SMIM10L1: variants seen among roughly 807,000 people sequenced by gnomAD.
SMIM10L1 encodes small integral membrane protein 10 like 1, also known as small integral membrane protein 10-like protein 1.
SMIM10L1 carries 6 observed loss-of-function variants against 4.5 expected under a neutral mutation model. That is an observed-to-expected ratio of 1.33 (90% CI 0.73 to 2.62). SMIM10L1 has a LOEUF of 2.62. SMIM10L1 is among the 30% of genes most tolerant of loss of function. The probability of loss-of-function intolerance (pLI) is 0.00; values close to 1 mark genes in which losing one functional copy is unlikely to be tolerated. For synonymous variants in SMIM10L1, 49 were observed against 42.2 expected, an observed-to-expected ratio of 1.16 and a Z score of -0.63; for missense variants, 66 against 86.2, an observed-to-expected ratio of 0.77 and a Z score of 0.93.
In SMIM10L1 at chr12:11,172,087, C is replaced by T. The variant is rs1947867924; in HGVS notation, c.*524C>T. 1 of 152,138 alleles carries T rather than the reference C, an allele frequency of 6.6e-6. No homozygotes were observed. Among genetic ancestry groups the T allele is most frequent in the African/African-American group, 2.4e-5 (1 of 41,406 alleles). 9.4% of individuals were successfully genotyped at this position (152,138 alleles called of 1,614,324 possible). A position where few individuals can be genotyped will look rare whatever the true frequency, so the allele number is the denominator to read the frequency against. On this transcript the variant is annotated 3_prime_UTR_variant, in exon 1 of 1. Transcript: ENST00000622602. ...CGCAAAACTGTACAGGAAAATCATCCTCCAAGTACCAGACATAAAATGCTG... is the reference window on the plus strand; with the variant it reads ...CGCAAAACTGTACAGGAAAATCATCTTCCAAGTACCAGACATAAAATGCTG...
rs980659816 is a variant in SMIM10L1 at position 11,171,681 on chromosome 12, C to T, written c.*118C>T. 5 of 694,684 alleles carry T rather than the reference C, an allele frequency of 7.2e-6. No homozygotes were observed. The highest frequency in any genetic ancestry group is 5.5e-5 in the African/African-American group (3 of 54,424). The allele number at this position is 694,684 out of a possible 1,614,324, so 43.0% of individuals were successfully genotyped here. ...ACAGTCTCGCGAGAGTGCTCAGGCG[C>T]TCTTCGTGGCTGCCCTCTTAGCTGC... On this transcript the variant is annotated 3_prime_UTR_variant, in exon 1 of 1. Transcript: ENST00000622602.
At position 11,173,515 on chromosome 12, in the gene SMIM10L1, G is replaced by A. The variant is rs1251864057; in HGVS notation, c.*1952G>A. The A allele has an allele frequency of 6.6e-6, 1 of 152,132 alleles. No homozygotes were observed. The highest frequency in any genetic ancestry group is 1.9e-4 in the East Asian group (1 of 5,198). The allele number at this position is 152,132 out of a possible 1,614,324, so 9.4% of individuals were successfully genotyped here. A position where few individuals can be genotyped will look rare whatever the true frequency, so the allele number is the denominator to read the frequency against. On this transcript the variant is annotated 3_prime_UTR_variant, in exon 1 of 1. Coordinates refer to ENST00000622602, the MANE Select transcript of SMIM10L1 (RefSeq NM_001271592.2). ...AGACAGGTTTCCTAGACTGCGATAAGCCAAAACATTTTAGTCTAAAATATC... is the reference window on the plus strand; with the variant it reads ...AGACAGGTTTCCTAGACTGCGATAAACCAAAACATTTTAGTCTAAAATATC...
Position 11,171,746 on chromosome 12 carries a change from CCT to C in SMIM10L1, c.*184_*185del. On this transcript the variant is annotated 3_prime_UTR_variant, in exon 1 of 1. Coordinates refer to ENST00000622602, the MANE Select transcript of SMIM10L1 (RefSeq NM_001271592.2). ...AGGGGGCGGCCGGGAGCCTACAATC[CCT>C]AGAAAGAGAATACGCTGTTCCGGAA... is the stretch of plus-strand genomic sequence containing the variant. 2.5e-6 allele frequency: 1 copy of C among 401,656 alleles called. No homozygotes were observed. Among genetic ancestry groups the C allele is most frequent in the East Asian group, 3.6e-5 (1 of 27,832 alleles). 24.9% of individuals were successfully genotyped at this position (401,656 alleles called of 1,614,324 possible).
Position 11,171,703 on chromosome 12 carries a change from C to T in SMIM10L1, c.*140C>T, listed in dbSNP as rs1565731361. The T allele has an allele frequency of 2.0e-5, 11 of 552,978 alleles. No individual in the cohort carries two copies. The Admixed American group carries it at 2.6e-4, about 13-fold the overall frequency. 34.3% of individuals were successfully genotyped at this position (552,978 alleles called of 1,614,324 possible). A position where few individuals can be genotyped will look rare whatever the true frequency, so the allele number is the denominator to read the frequency against. The stretch of plus-strand genomic sequence containing the variant: ...GCGCTCTTCGTGGCTGCCCTCTTAG[C>T]TGCTAGCGGAGCTCCTCAGGGGGCG... On this transcript the variant is annotated 3_prime_UTR_variant, in exon 1 of 1. Transcript: ENST00000622602.
At position 11,175,833 on chromosome 12, in the gene SMIM10L1, A is replaced by T. The variant is rs1947938465; in HGVS notation, c.*4270A>T. On this transcript the variant is annotated 3_prime_UTR_variant, in exon 1 of 1. Transcript: ENST00000622602. ...AGATGAAACCCTCGTGAATGGGATT[A>T]GTGCCTTTATAAAGGAGACCCCAAA... 1 of 152,202 alleles carries T rather than the reference A, an allele frequency of 6.6e-6. No individual in the cohort carries two copies. Among genetic ancestry groups the T allele is most frequent in the Non-Finnish European group, 1.5e-5 (1 of 68,050 alleles). 9.4% of individuals were successfully genotyped at this position (152,202 alleles called of 1,614,324 possible). A position where few individuals can be genotyped will look rare whatever the true frequency, so the allele number is the denominator to read the frequency against.
chr12:11,174,026 A>G lies in SMIM10L1; in HGVS notation c.*2463A>G, dbSNP rs1194342632. On this transcript the variant is annotated 3_prime_UTR_variant, in exon 1 of 1. Transcript: ENST00000622602. ...ATATATGCATAAAGTTACAGCTTAC[A>G]TTTACCTCGTAATATATGTATATAT... is the stretch of plus-strand genomic sequence containing the variant. 1 of 148,932 alleles carries G rather than the reference A, an allele frequency of 6.7e-6. No homozygotes were observed. Among genetic ancestry groups the G allele is most frequent in the Non-Finnish European group, 1.5e-5 (1 of 67,072 alleles). The allele number at this position is 148,932 out of a possible 1,614,324, so 9.2% of individuals were successfully genotyped here.
Position 11,171,228 on chromosome 12 carries a change from G to T in SMIM10L1, c.-129G>T, listed in dbSNP as rs921238617. Reference sequence around the variant, plus strand: ...CCGCACTGCACCGAGCGGCGGCAGCGGCAAGCTTGGGTGTGAGCCCGGGAG... The same window carrying T: ...CCGCACTGCACCGAGCGGCGGCAGCTGCAAGCTTGGGTGTGAGCCCGGGAG... On this transcript the variant is annotated 5_prime_UTR_variant, in exon 1 of 1. Transcript: ENST00000622602. The T allele has an allele frequency of 3.8e-5, 20 of 531,412 alleles. No individual in the cohort carries two copies. The highest frequency in any genetic ancestry group is 3.9e-5 in the African/African-American group (2 of 51,542). 32.9% of individuals were successfully genotyped at this position (531,412 alleles called of 1,614,324 possible). A position where few individuals can be genotyped will look rare whatever the true frequency, so the allele number is the denominator to read the frequency against.
In SMIM10L1 at chr12:11,175,246, C is replaced by T. The variant is rs1286743022; in HGVS notation, c.*3683C>T. On this transcript the variant is annotated 3_prime_UTR_variant, in exon 1 of 1. Transcript: ENST00000622602. The stretch of plus-strand genomic sequence containing the variant: ...GGGAGAGAGAGGAAAGAACGTTGTC[C>T]TCAGAATGGAAGGGAAACACTTTCC... The T allele has an allele frequency of 6.6e-6, 1 of 151,976 alleles. No individual in the cohort carries two copies. The highest frequency in any genetic ancestry group is 2.4e-5 in the African/African-American group (1 of 41,350). 9.4% of individuals were successfully genotyped at this position (151,976 alleles called of 1,614,324 possible). A position where few individuals can be genotyped will look rare whatever the true frequency, so the allele number is the denominator to read the frequency against.
chr12:11,175,168 C>G lies in SMIM10L1; in HGVS notation c.*3605C>G, dbSNP rs1197359618. 6.6e-6 allele frequency: 1 copy of G among 151,810 alleles called. No individual in the cohort carries two copies. Among genetic ancestry groups the G allele is most frequent in the Non-Finnish European group, 1.5e-5 (1 of 67,972 alleles). The allele number at this position is 151,810 out of a possible 1,614,324, so 9.4% of individuals were successfully genotyped here. A position where few individuals can be genotyped will look rare whatever the true frequency, so the allele number is the denominator to read the frequency against. On this transcript the variant is annotated 3_prime_UTR_variant, in exon 1 of 1. Coordinates refer to ENST00000622602, the MANE Select transcript of SMIM10L1 (RefSeq NM_001271592.2). ...TTTTATACTCTCTGCAGCCTTAAAC[C>G]TATTGGCTTATTTTATTAGAGGGTT...
In SMIM10L1 at chr12:11,171,380, C is replaced by G; in HGVS notation, c.24C>G (p.Ser8=). The G allele has an allele frequency of 1.6e-6, 2 of 1,231,984 alleles. No homozygotes were observed. The highest frequency in any genetic ancestry group is 2.0e-6 in the Non-Finnish European group (2 of 987,882). The allele number at this position is 1,231,984 out of a possible 1,614,324, so 76.3% of individuals were successfully genotyped here. ...TCATGGCCCCCGCGGCGGCTCCGTC[C>G]TCCTTGGCCGTCAGGGCCTCAAGCC... MAPAAAP[S]SLAVRASSPA... The change falls in exon 1 of 1, where the codon TCC becomes TCG. Residue 8 remains serine, a synonymous_variant. Coordinates refer to ENST00000622602, the MANE Select transcript of SMIM10L1 (RefSeq NM_001271592.2).
In SMIM10L1 at chr12:11,171,289, G is replaced by A; in HGVS notation, c.-68G>A. 1 of 1,060,426 alleles carries A rather than the reference G, an allele frequency of 9.4e-7. No homozygotes were observed. The highest frequency in any genetic ancestry group is 1.2e-6 in the Non-Finnish European group (1 of 831,320). The allele number at this position is 1,060,426 out of a possible 1,614,324, so 65.7% of individuals were successfully genotyped here. A position where few individuals can be genotyped will look rare whatever the true frequency, so the allele number is the denominator to read the frequency against. On this transcript the variant is annotated 5_prime_UTR_variant, in exon 1 of 1. Coordinates refer to ENST00000622602, the MANE Select transcript of SMIM10L1 (RefSeq NM_001271592.2). ...TACCGTCCTGCCGGTCCCAGCCGTC[G>A]CTAGGAGGTCCGCGGGCCCTGCGGC...
chr12:11,171,525 T>C lies in SMIM10L1; in HGVS notation c.169T>C (p.Ser57Pro). ...CTTCCCGTACTTCTACGTCGCGGGCTCGGTGATCCTCAACATCCGATTGCA... is the reference window on the plus strand; with the variant it reads ...CTTCCCGTACTTCTACGTCGCGGGCCCGGTGATCCTCAACATCCGATTGCA... ...MNFPYFYVAGSVILNIRLQVH... is the reference protein window; with the variant it reads ...MNFPYFYVAGPVILNIRLQVH... The change falls in exon 1 of 1, where the codon TCG becomes CCG. Residue 57 changes from serine (S) to proline (P), a missense_variant. Ser to Pro is a moderately conservative substitution (Grantham distance 74). Transcript: ENST00000622602. The C allele has an allele frequency of 8.1e-7, 1 of 1,232,302 alleles. No individual in the cohort carries two copies. Among genetic ancestry groups the C allele is most frequent in the Non-Finnish European group, 1.0e-6 (1 of 988,112 alleles). The allele number at this position is 1,232,302 out of a possible 1,614,324, so 76.3% of individuals were successfully genotyped here. A position where few individuals can be genotyped will look rare whatever the true frequency, so the allele number is the denominator to read the frequency against.
At position 11,171,367 on chromosome 12, in the gene SMIM10L1, C is replaced by A. The variant is rs900342486; in HGVS notation, c.11C>A (p.Ala4Glu). The change falls in exon 1 of 1, where the codon GCG (alanine) becomes GAG (glutamate). Residue 4 changes from alanine to glutamate, a missense_variant. Coordinates refer to ENST00000622602, the MANE Select transcript of SMIM10L1 (RefSeq NM_001271592.2). MAPAAAPSSLAVRA... is the reference protein window; with the variant it reads MAPEAAPSSLAVRA... ...GGCGACACCTGGCTCATGGCCCCCGCGGCGGCTCCGTCCTCCTTGGCCGTC... is the reference window on the plus strand; with the variant it reads ...GGCGACACCTGGCTCATGGCCCCCGAGGCGGCTCCGTCCTCCTTGGCCGTC... The A allele has an allele frequency of 8.1e-7, 1 of 1,231,852 alleles. No individual in the cohort carries two copies. The highest frequency in any genetic ancestry group is 1.0e-6 in the Non-Finnish European group (1 of 987,774). The allele number at this position is 1,231,852 out of a possible 1,614,324, so 76.3% of individuals were successfully genotyped here.
At position 11,175,244 on chromosome 12, in the gene SMIM10L1, T is replaced by A. The variant is rs888180454; in HGVS notation, c.*3681T>A. 1 of 152,136 alleles carries A rather than the reference T, an allele frequency of 6.6e-6. No individual in the cohort carries two copies. Among genetic ancestry groups the A allele is most frequent in the African/African-American group, 2.4e-5 (1 of 41,436 alleles). 9.4% of individuals were successfully genotyped at this position (152,136 alleles called of 1,614,324 possible). A position where few individuals can be genotyped will look rare whatever the true frequency, so the allele number is the denominator to read the frequency against. On this transcript the variant is annotated 3_prime_UTR_variant, in exon 1 of 1. Transcript: ENST00000622602. ...AAGGGAGAGAGAGGAAAGAACGTTG[T>A]CCTCAGAATGGAAGGGAAACACTTT...
chr12:11,171,833 G>C lies in SMIM10L1; in HGVS notation c.*270G>C. The C allele has an allele frequency of 3.2e-6, 1 of 313,736 alleles. No individual in the cohort carries two copies. Among genetic ancestry groups the C allele is most frequent in the Admixed American group, 5.0e-5 (1 of 19,962 alleles). 19.4% of individuals were successfully genotyped at this position (313,736 alleles called of 1,614,324 possible). ...AGAAAGTGTGCATCCTAAAACACCTGACGAATTTCAGAATGTGACAAAGCG... is the reference window on the plus strand; with the variant it reads ...AGAAAGTGTGCATCCTAAAACACCTCACGAATTTCAGAATGTGACAAAGCG... On this transcript the variant is annotated 3_prime_UTR_variant, in exon 1 of 1. Transcript: ENST00000622602.
rs1226031076 is a variant in SMIM10L1 at position 11,174,360 on chromosome 12, G to T, written c.*2797G>T. The T allele has an allele frequency of 6.6e-6, 1 of 152,126 alleles. No individual in the cohort carries two copies. Among genetic ancestry groups the T allele is most frequent in the African/African-American group, 2.4e-5 (1 of 41,438 alleles). 9.4% of individuals were successfully genotyped at this position (152,126 alleles called of 1,614,324 possible). A position where few individuals can be genotyped will look rare whatever the true frequency, so the allele number is the denominator to read the frequency against. On this transcript the variant is annotated 3_prime_UTR_variant, in exon 1 of 1. Coordinates refer to ENST00000622602, the MANE Select transcript of SMIM10L1 (RefSeq NM_001271592.2). ...AATAGCTAATAAATATTGTTGAATG[G>T]ATAGATGAATGGCAATTTTGTTGGT...
rs1297610904 is a variant in SMIM10L1, at chr12:11,173,489, A to G, written c.*1926A>G. 1 of 152,332 alleles carries G rather than the reference A, an allele frequency of 6.6e-6. No homozygotes were observed. Among genetic ancestry groups the G allele is most frequent in the East Asian group, 1.9e-4 (1 of 5,190 alleles). The allele number at this position is 152,332 out of a possible 1,614,324, so 9.4% of individuals were successfully genotyped here. ...CATCAACTGTCTGTTTTATATACCC[A>G]AGACAGGTTTCCTAGACTGCGATAA... On this transcript the variant is annotated 3_prime_UTR_variant, in exon 1 of 1. Transcript: ENST00000622602.
chr12:11,171,551 G>A lies in SMIM10L1; in HGVS notation c.195G>A (p.Gln65=). Residue 65 remains glutamine, a synonymous_variant, in exon 1 of 1, where the codon CAG becomes CAA. Transcript: ENST00000622602. ...AGSVILNIRL[Q]VHI is the part of the protein sequence containing the mutation. ...CGGTGATCCTCAACATCCGATTGCA[G>A]GTACATATTTAGAGCCATGACTAAG... is the stretch of plus-strand genomic sequence containing the variant. 8.1e-7 allele frequency: 1 copy of A among 1,232,172 alleles called. No individual in the cohort carries two copies. The allele number at this position is 1,232,172 out of a possible 1,614,324, so 76.3% of individuals were successfully genotyped here. A position where few individuals can be genotyped will look rare whatever the true frequency, so the allele number is the denominator to read the frequency against.
Position 11,171,708 on chromosome 12 carries a change from A to T in SMIM10L1, c.*145A>T. ...CTTCGTGGCTGCCCTCTTAGCTGCT[A>T]GCGGAGCTCCTCAGGGGGCGGCCGG... On this transcript the variant is annotated 3_prime_UTR_variant, in exon 1 of 1. Transcript: ENST00000622602. 1.9e-6 allele frequency: 1 copy of T among 524,138 alleles called. No individual in the cohort carries two copies. The allele number at this position is 524,138 out of a possible 1,614,324, so 32.5% of individuals were successfully genotyped here.
Sources: gnomAD v4.1 joint callset for allele counts on GRCh38, gnomAD v4.1.1 for gene constraint, MANE v1.5 for transcripts, NCBI Gene and HGNC (gene_info 2026-07-23, HGNC 2026-07-21) for gene names.